The following PELI2 variants were observed in gnomAD, a reference collection of about 807,000 sequenced individuals.
PELI2 encodes the protein pellino E3 ubiquitin protein ligase family member 2.
A neutral mutation model predicts 42.3 loss-of-function variants in PELI2; 23 were observed. The observed-to-expected ratio is 0.54, with a 90% confidence interval of 0.39 to 0.77. The LOEUF (loss-of-function observed/expected upper bound fraction) is 0.77, where lower values mean the gene tolerates loss of function less well. Among genes scored for constraint, PELI2 ranks in the 30% least tolerant of loss-of-function variants. The probability of loss-of-function intolerance (pLI) is 0.00; values close to 1 mark genes in which losing one functional copy is unlikely to be tolerated. For synonymous variants in PELI2, 245 were observed against 212.2 expected (o/e 1.15, Z -1.34); for missense variants, 463 against 553.2 (o/e 0.84, Z 1.64).
intron 2 of PELI2, among the ~76,000 whole-genome samples, chr14:56,263,251 G>C (rs117345179): frequency 6.6e-6 from 1 of 152,102 alleles, no homozygotes; most frequent in East Asian, 1.9e-4. Flanking sequence ...ATGAGCCACC[G>C]CACCCAACCT....
At chr14:56,198,596 A>G (rs1412823250) in intron 2 of PELI2, among the ~76,000 whole-genome samples, 4 of 152,204 alleles carry the variant, frequency 2.6e-5, no homozygotes, top group Admixed American at 2.0e-4. Flanking sequence ...AGTGTCCAGC[A>G]TGGAGTGGCT....
intron 1 of PELI2, among the ~76,000 whole-genome samples, chr14:56,135,423 C>T (rs909183105): frequency 7.2e-5 from 11 of 152,226 alleles, no homozygotes; most frequent in South Asian, 6.2e-4. Flanking sequence ...TGGGCGCATG[C>T]TCTCAATAAA....
intron 1 of PELI2, among the ~76,000 whole-genome samples, chr14:56,157,247 T>C (rs942803332): frequency 2.6e-5 from 4 of 152,218 alleles, no homozygotes; most frequent in African/African-American, 9.7e-5. Context: ...GTAATTGACC[T>C]GATTCACTTA....
chr14:56,130,867 A>G (rs1883458515), intron 1 of PELI2, among the ~76,000 whole-genome samples: 1 of 152,186 alleles, frequency 6.6e-6, no homozygotes, highest in Non-Finnish European at 1.5e-5. Flanking sequence ...AAAGCTGTCT[A>G]ACCTTATTAG....
intron 2 of PELI2, among the ~76,000 whole-genome samples, chr14:56,245,149 G>A (rs115046998): frequency 1.4e-3 from 213 of 152,302 alleles, no homozygotes; most frequent in Middle Eastern, 3.4e-3. Context: ...CAAGCGAGGC[G>A]TTTAGTAAAT....
chr14:56,258,003 G>A (rs1259357235), intron 2 of PELI2, among the ~76,000 whole-genome samples: 2 of 152,274 alleles, frequency 1.3e-5, no homozygotes, highest in African/African-American at 4.8e-5. Flanking sequence ...ACAGAATGGG[G>A]AAAGAACTAC....
chr14:56,128,350 C>CCGTT (rs1217037906), intron 1 of PELI2, among the ~76,000 whole-genome samples: 3 of 152,144 alleles, frequency 2.0e-5, no homozygotes, highest in African/African-American at 7.2e-5. Flanking sequence ...ATGCCAGGTT[C>CCGTT]CGTTAGGTGG....
chr14:56,133,909 T>C (rs1342474893), intron 1 of PELI2, among the ~76,000 whole-genome samples: 3 of 152,242 alleles, frequency 2.0e-5, no homozygotes, highest in East Asian at 1.9e-4. Context: ...ATTGGAAATA[T>C]GAACATTCTT....
intron 4 of PELI2, among the ~76,000 whole-genome samples, chr14:56,289,535 C>T (rs2139895465): frequency 6.6e-6 from 1 of 152,322 alleles, no homozygotes; most frequent in East Asian, 1.9e-4. Context: ...CAGTCATGTG[C>T]TGTGCCCACC....
chr14:56,242,460 A>G (rs1888008789), intron 2 of PELI2, among the ~76,000 whole-genome samples: 3 of 152,208 alleles, frequency 2.0e-5, no homozygotes, highest in Non-Finnish European at 4.4e-5. Context: ...AAAAGAACTA[A>G]AAGTAGAACT....
rs1047459852 is a variant in PELI2 at position 56,234,492 on chromosome 14, A to G, written c.208-45184A>G. Among the ~76,000 whole-genome samples, 6 of 152,196 alleles carry G rather than the reference A, an allele frequency of 3.9e-5. No homozygotes were observed. In the South Asian group the frequency reaches 6.2e-4, roughly 16 times the overall value. ...TGGAAACCATCATTCTGAGCAAACT[A>G]TCACAAGGACAGAAAACCAAACACC... On this transcript the variant is annotated intron_variant, in intron 2 of 5. Transcript: ENST00000267460.
chr14:56,204,170 C>T (rs1287853679), intron 2 of PELI2, among the ~76,000 whole-genome samples: 2 of 152,138 alleles, frequency 1.3e-5, no homozygotes, highest in East Asian at 3.9e-4. Flanking sequence ...TTGGTGATTG[C>T]TTTGATGTTA....
intron 1 of PELI2, among the ~76,000 whole-genome samples, chr14:56,146,392 T>C (rs527828074): frequency 1.3e-5 from 2 of 152,302 alleles, no homozygotes; most frequent in Admixed American, 1.3e-4. Flanking sequence ...CCCCTAAGAA[T>C]AGGTCCATGA....
intron 2 of PELI2, among the ~76,000 whole-genome samples, chr14:56,191,536 G>A (rs1414975817): frequency 6.6e-6 from 1 of 152,200 alleles, no homozygotes; most frequent in African/African-American, 2.4e-5. Flanking sequence ...ACCTCAAAAG[G>A]AGAAGGGCAG....
At chr14:56,189,605 G>A (rs1248768465) in intron 2 of PELI2, among the ~76,000 whole-genome samples, 1 of 152,162 alleles carries the variant, frequency 6.6e-6, no homozygotes, top group Non-Finnish European at 1.5e-5. Context: ...ATTAATGTTA[G>A]CTAATATTAA....
chr14:56,250,787 G>A (rs563204729), intron 2 of PELI2, among the ~76,000 whole-genome samples: 2 of 152,068 alleles, frequency 1.3e-5, no homozygotes, highest in East Asian at 1.9e-4. Flanking sequence ...CTCCTTTGGC[G>A]ACACCCTCAC....
At chr14:56,148,415 C>T (rs532354361) in intron 1 of PELI2, among the ~76,000 whole-genome samples, 2 of 152,286 alleles carry the variant, frequency 1.3e-5, no homozygotes, top group South Asian at 4.1e-4. Flanking sequence ...GTAAAAGGAC[C>T]TTCACAGTAC....
intron 1 of PELI2, among the ~76,000 whole-genome samples, chr14:56,131,994 C>A (rs1883503300): frequency 1.3e-5 from 2 of 152,192 alleles, no homozygotes; most frequent in African/African-American, 2.4e-5. Context: ...TTCCCCCTCA[C>A]TGAATTTTCC....
Position 56,160,011 on chromosome 14 carries a change from GT to G in PELI2, c.78-18310del, listed in dbSNP as rs1041197999. 4.3e-3 allele frequency among the ~76,000 whole-genome samples: 584 copies of G among 137,402 alleles called. 4 individuals are homozygous for G. The highest frequency in any genetic ancestry group is 0.012 in the African/African-American group (455 of 37,610). 90.1% of individuals were successfully genotyped at this position (137,402 alleles called of 152,430 possible). A position where few individuals can be genotyped will look rare whatever the true frequency, so the allele number is the denominator to read the frequency against. Reference sequence around the variant, plus strand: ...AGTTCTTTTCATAAACAGTTTCTTTGTTTTTTTTTTTTTTAGGTAGACTGGA... The same window carrying G: ...AGTTCTTTTCATAAACAGTTTCTTTGTTTTTTTTTTTTTAGGTAGACTGGA... On this transcript the variant is annotated intron_variant, in intron 1 of 5. Transcript: ENST00000267460.
Sources: gnomAD v4.1 joint callset for allele counts (sites outside exome capture counted in the v4.1 genomes callset) on GRCh38, gnomAD v4.1.1 for gene constraint, MANE v1.5 for transcripts, NCBI Gene and HGNC (gene_info 2026-07-23, HGNC 2026-07-21) for gene names.